Variants in ZBTB40 observed in about 807,000 individuals in gnomAD.
ZBTB40 encodes zinc finger and BTB domain containing 40, also known as zinc finger and BTB domain-containing protein 40.
ZBTB40 carries 60 observed loss-of-function variants against 117.5 expected under a neutral mutation model. The ratio of observed to expected loss-of-function variants is 0.51; its 90% CI spans 0.41 to 0.63. The LOEUF is 0.63. ZBTB40 is among the 30% of genes least tolerant of loss of function. The pLI is 0.00. For missense variants in ZBTB40, 1,287 were observed against 1,498.5 expected (o/e 0.86, Z 2.33); for synonymous variants, 525 against 577.1 (o/e 0.91, Z 1.29).
chr1:22,479,503 A>G (rs542879351), intron 1 of ZBTB40, among the ~76,000 whole-genome samples: 2 of 152,166 alleles, frequency 1.3e-5, no homozygotes, highest in Admixed American at 6.5e-5. Flanking sequence ...TTCTTTTTAC[A>G]TCTATTATTA....
chr1:22,526,295 C>A lies in ZBTB40; in HGVS notation c.3619C>A (p.Pro1207Thr), dbSNP rs375683401. Residue 1207 changes from proline (P) to threonine (T), a missense_variant, in exon 18 of 18, where the codon CCA becomes ACA. Transcript: ENST00000375647. The stretch of plus-strand genomic sequence containing the variant: ...CGGGTCGCAGGTGTTTGTGACGTTG[C>A]CAGATTCTCAGGCATCTCAGGCCAG... ...LAGSQVFVTL[P>T]DSQASQASSE... is the part of the protein sequence containing the mutation. The A allele has an allele frequency of 1.7e-5, 28 of 1,614,056 alleles. 1 individual carries two copies. Among genetic ancestry groups the A allele is most frequent in the Middle Eastern group, 3.3e-4 (2 of 6,084 alleles).
rs117499004 is a variant in ZBTB40 at position 22,463,615 on chromosome 1, A to G, written c.-70+11611A>G. Among the ~76,000 whole-genome samples the G allele has an allele frequency of 2.8e-4, 43 of 152,332 alleles. No homozygotes were observed. In the East Asian group the frequency reaches 8.1e-3, roughly 29 times the overall value. ...CAATCCCTAATCACTCATTAGATAC[A>G]TGTGTCGCTCAGGAGATTTTGCAGT... On this transcript the variant is annotated intron_variant, in intron 1 of 17. Coordinates refer to ENST00000375647, the MANE Select transcript of ZBTB40 (RefSeq NM_014870.4).
rs34232963 is a variant in ZBTB40 at position 22,522,945 on chromosome 1, C to CTTTTTTTTTTTTTTTTTTTT, written c.3298+483_3298+502dup. On this transcript the variant is annotated intron_variant, in intron 16 of 17. Coordinates refer to ENST00000375647, the MANE Select transcript of ZBTB40 (RefSeq NM_014870.4). Reference sequence around the variant, plus strand: ...CCATGCTCGACTAAATAAGATGTACCTTTTTTTTTTTTTTTTTTTTGAGAT... The same window carrying CTTTTTTTTTTTTTTTTTTTT: ...CCATGCTCGACTAAATAAGATGTACCTTTTTTTTTTTTTTTTTTTTTTTTTTTTTTTTTTTTTTTTGAGAT... 3.5e-4 allele frequency among the ~76,000 whole-genome samples: 33 copies of CTTTTTTTTTTTTTTTTTTTT among 93,908 alleles called. 2 individuals carry two copies. The highest frequency in any genetic ancestry group is 2.5e-3 in the South Asian group (5 of 1,996). 61.6% of individuals were successfully genotyped at this position (93,908 alleles called of 152,430 possible). A position where few individuals can be genotyped will look rare whatever the true frequency, so the allele number is the denominator to read the frequency against.
At chr1:22,506,388 A>G (rs72651315) in intron 6 of ZBTB40, 147 bp downstream of exon 6, 24,550 of 855,600 alleles carry the variant, frequency 0.029, 430 homozygotes, top group Non-Finnish European at 0.036. Flanking sequence ...TAAATCGATA[A>G]TTCTCGATCT....
rs376850747 is a variant in ZBTB40 at position 22,489,918 on chromosome 1, G to T, written c.-31G>T. ...AAAGCCAACTCTAAGGAGAGGAGAG[G>T]AAGAGCAGTTCTTGGGGCAGAGTTG... is the stretch of plus-strand genomic sequence containing the variant. On this transcript the variant is annotated 5_prime_UTR_variant, in exon 2 of 18. Coordinates refer to ENST00000375647, the MANE Select transcript of ZBTB40 (RefSeq NM_014870.4). The T allele has an allele frequency of 1.1e-5, 17 of 1,602,070 alleles. No individual in the cohort carries two copies. The Middle Eastern group carries it at 6.6e-4, about 63-fold the overall frequency.
chr1:22,524,333 G>A lies in ZBTB40; in HGVS notation c.3414G>A (p.Glu1138=). ...AGTCAGAGACCACCTTCCCCTGTGA[G>A]CTCTGTGGGGAACTCTTCACCTCCC... ...FKQSETTFPC[E]LCGELFTSQA... Residue 1138 remains glutamate, a synonymous_variant, in exon 17 of 18, where the codon GAG becomes GAA. Coordinates refer to ENST00000375647, the MANE Select transcript of ZBTB40 (RefSeq NM_014870.4). 6.2e-7 allele frequency: 1 copy of A among 1,614,162 alleles called. No homozygotes were observed. Among genetic ancestry groups the A allele is most frequent in the Non-Finnish European group, 8.5e-7 (1 of 1,180,034 alleles).
At chr1:22,461,325 C>T (rs1029758963) in intron 1 of ZBTB40, among the ~76,000 whole-genome samples, 22 of 61,736 alleles carry the variant, frequency 3.6e-4, no homozygotes, top group South Asian at 9.2e-4. Flanking sequence ...CCTAGAGTTC[C>T]GTTGTTTTTT....
At chr1:22,462,415 A>G (rs1026293114) in intron 1 of ZBTB40, among the ~76,000 whole-genome samples, 1 of 152,256 alleles carries the variant, frequency 6.6e-6, no homozygotes, top group Non-Finnish European at 1.5e-5. Flanking sequence ...AAGGCCACCA[A>G]TGTAAAGTGC....
rs114556324 is a variant in ZBTB40 at position 22,462,537 on chromosome 1, A to G, written c.-70+10533A>G. On this transcript the variant is annotated intron_variant, in intron 1 of 17. Transcript: ENST00000375647. ...CAAAATGTTGTCGTCTTTACGTTCC[A>G]CTTAGAATATATATCTAAGCCATAG... is the stretch of plus-strand genomic sequence containing the variant. Among the ~76,000 whole-genome samples the G allele has an allele frequency of 5.1e-3, 777 of 152,336 alleles. 4 individuals carry two copies. The highest frequency in any genetic ancestry group is 0.018 in the African/African-American group (739 of 41,564).
Position 22,508,608 on chromosome 1 carries a change from ACT to A in ZBTB40, c.1583_1584del (p.Ser528CysfsTer54), listed in dbSNP as rs1288159892. On this transcript the variant is annotated frameshift_variant, in exon 8 of 18. Transcript: ENST00000375647. LOFTEE classifies it high-confidence loss of function. ...GATATCAGCAGTTCTAGAAAAGCAG[ACT>A]CTCTCTGCCACAGCCATTTGGCAAC... ...SLISAVLEKQTLSATAIWQLL... is the reference protein window; with the variant it reads ...SLISAVLEKQXLSATAIWQLL... The A allele has an allele frequency of 2.5e-6, 4 of 1,613,846 alleles. No homozygotes were observed. Among genetic ancestry groups the A allele is most frequent in the South Asian group, 1.1e-5 (1 of 91,070 alleles).
At chr1:22,460,410 C>A (rs901146445) in intron 1 of ZBTB40, among the ~76,000 whole-genome samples, 7 of 152,064 alleles carry the variant, frequency 4.6e-5, no homozygotes, top group African/African-American at 1.7e-4. Context: ...TATAATAATT[C>A]ATGTCTTAAC....
chr1:22,433,938 T>C (rs894072291), intron 1 of ZBTB40, among the ~76,000 whole-genome samples: 31 of 152,132 alleles, frequency 2.0e-4, no homozygotes, highest in African/African-American at 7.5e-4. Context: ...TGAATAACTT[T>C]GTATATACAT....
chr1:22,467,911 T>C (rs569163359), intron 1 of ZBTB40, among the ~76,000 whole-genome samples: 10 of 150,976 alleles, frequency 6.6e-5, no homozygotes, highest in Non-Finnish European at 1.2e-4. Context: ...CTGGGCAACA[T>C]AGGGAGACCC....
chr1:22,481,665 A>G (rs933760297), intron 1 of ZBTB40, among the ~76,000 whole-genome samples: 113 of 151,792 alleles, frequency 7.4e-4, no homozygotes, highest in Non-Finnish European at 7.4e-5. Context: ...GTTTGAGTCT[A>G]TCCCGAAAAT....
intron 1 of ZBTB40, among the ~76,000 whole-genome samples, chr1:22,459,796 C>T (rs1641088768): frequency 6.6e-6 from 1 of 152,164 alleles, no homozygotes; most frequent in African/African-American, 2.4e-5. Context: ...TTAGGGAGAA[C>T]TAGCATCTTT....
At chr1:22,504,278 T>A (rs931094753) in intron 5 of ZBTB40, among the ~76,000 whole-genome samples, 2 of 152,162 alleles carry the variant, frequency 1.3e-5, no homozygotes, top group African/African-American at 4.8e-5. Context: ...TTTATAAATA[T>A]GTTGGGTTTT....
chr1:22,490,453 G>A lies in ZBTB40; in HGVS notation c.505G>A (p.Gly169Ser). Reference protein sequence around the residue: ...SSPELAATPGGPVKAETEEAA... With the variant: ...SSPELAATPGSPVKAETEEAA... Reference sequence around the variant, plus strand: ...CCCAGAGCTTGCTGCCACTCCAGGGGGCCCTGTGAAAGCTGAGACTGAGGA... The same window carrying A: ...CCCAGAGCTTGCTGCCACTCCAGGGAGCCCTGTGAAAGCTGAGACTGAGGA... Residue 169 changes from glycine to serine, a missense_variant, in exon 2 of 18, where the codon GGC (glycine) becomes AGC (serine). By Grantham distance (56) the Gly-to-Ser change is moderately conservative. This residue lies in a region of ZBTB40 where 870 missense variants were observed against 934.4 expected (regional missense o/e 0.93). Transcript: ENST00000375647. 6.2e-7 allele frequency: 1 copy of A among 1,602,900 alleles called. No individual in the cohort carries two copies. The highest frequency in any genetic ancestry group is 1.1e-5 in the South Asian group (1 of 89,670).
At chr1:22,514,748 T>C (rs1212412236) in intron 12 of ZBTB40, among the ~76,000 whole-genome samples, 4 of 152,234 alleles carry the variant, frequency 2.6e-5, no homozygotes, top group African/African-American at 4.8e-5. Flanking sequence ...TTATTTCTGC[T>C]TAGTCTTCCC....
In ZBTB40 at chr1:22,459,529, T is replaced by C. The variant is rs371324654; in HGVS notation, c.-70+7525T>C. On this transcript the variant is annotated intron_variant, in intron 1 of 17. Coordinates refer to ENST00000375647, the MANE Select transcript of ZBTB40 (RefSeq NM_014870.4). The stretch of plus-strand genomic sequence containing the variant: ...AAGCCTTTGTATGCATTTAGATTTC[T>C]TACTGGATTTTCTGTTTTGTTCCAT... 7.2e-5 allele frequency among the ~76,000 whole-genome samples: 11 copies of C among 152,366 alleles called. No individual in the cohort carries two copies. The East Asian group carries it at 1.3e-3, about 19-fold the overall frequency.
Sources: gnomAD v4.1 joint callset for allele counts (sites outside exome capture counted in the v4.1 genomes callset) on GRCh38, gnomAD v4.1.1 for gene constraint, gnomAD v4.1.1 regional missense constraint, MANE v1.5 for transcripts, NCBI Gene and HGNC (gene_info 2026-07-23, HGNC 2026-07-21) for gene names.